Variants in TUBB4A observed in about 807,000 individuals in gnomAD.
The protein encoded by TUBB4A is tubulin beta 4A class IVa.
A neutral mutation model predicts 35.1 loss-of-function variants in TUBB4A; 13 were observed. The observed-to-expected ratio is 0.37, with a 90% CI of 0.24 to 0.59. TUBB4A has a LOEUF of 0.59. Among genes scored for constraint, TUBB4A ranks in the 20% least tolerant of loss-of-function variants. The pLI is 0.71. For synonymous variants in TUBB4A, 279 were observed against 272.4 expected (o/e 1.02, Z -0.24); for missense variants, 299 against 647.2 (o/e 0.46, Z 5.84).
intron 3 of TUBB4A, among the ~76,000 whole-genome samples, chr19:6,498,575 C>T (rs2145253921): frequency 6.6e-6 from 1 of 152,380 alleles, no homozygotes; most frequent in East Asian, 1.9e-4. Flanking sequence ...GCAGCTGTTA[C>T]TCCAGCTTTC....
Position 6,502,273 on chromosome 19 carries a change from G to T in TUBB4A, c.-61C>A. On this transcript the variant is annotated 5_prime_UTR_variant, in exon 1 of 4. Transcript: ENST00000264071. ...CACGAGCGCGGGGAGCTGCGGCGGCGGCGAGGGTGGAAGATGCGGCGGAGA... is the reference window on the plus strand; with the variant it reads ...CACGAGCGCGGGGAGCTGCGGCGGCTGCGAGGGTGGAAGATGCGGCGGAGA... The T allele has an allele frequency of 6.8e-7, 1 of 1,462,970 alleles. No homozygotes were observed. The highest frequency in any genetic ancestry group is 9.0e-7 in the Non-Finnish European group (1 of 1,114,442). The allele number at this position is 1,462,970 out of a possible 1,614,324, so 90.6% of individuals were successfully genotyped here. A position where few individuals can be genotyped will look rare whatever the true frequency, so the allele number is the denominator to read the frequency against.
chr19:6,498,754 G>C (rs1331175511), intron 3 of TUBB4A, among the ~76,000 whole-genome samples: 1 of 152,220 alleles, frequency 6.6e-6, no homozygotes, highest in East Asian at 1.9e-4. Context: ...TCCCGAGCCT[G>C]GTGGTTTAGA....
rs576008094 is a variant in TUBB4A at position 6,496,031 on chromosome 19, G to C, written c.468C>G (p.Arg156=). ...TCATGATGCGGTCTGGGAACTCCTC[G>C]CGGATCTTACTGATGAGCAGCGTGC... ...GMGTLLISKI[R]EEFPDRIMNT... is the part of the protein sequence containing the mutation. Residue 156 remains arginine, a synonymous_variant, in exon 4 of 4, where the codon CGC becomes CGG. Coordinates refer to ENST00000264071, the MANE Select transcript of TUBB4A (RefSeq NM_006087.4). 5.6e-6 allele frequency: 9 copies of C among 1,614,200 alleles called. 1 individual carries two copies. The South Asian group carries it at 9.9e-5, about 18-fold the overall frequency.
chr19:6,502,218 T>G lies in TUBB4A; in HGVS notation c.-6A>C. The G allele has an allele frequency of 6.4e-7, 1 of 1,550,704 alleles. No individual in the cohort carries two copies. The highest frequency in any genetic ancestry group is 8.6e-7 in the Non-Finnish European group (1 of 1,156,962). On this transcript the variant is annotated 5_prime_UTR_variant, in exon 1 of 4. Coordinates refer to ENST00000264071, the MANE Select transcript of TUBB4A (RefSeq NM_006087.4). The stretch of plus-strand genomic sequence containing the variant: ...AGGTGCACGATCTCCCGCATGGCGG[T>G]GGCGCTGAGGGTGGACGCGGCGGCG...
At chr19:6,498,026 A>G (rs1447329817) in intron 3 of TUBB4A, among the ~76,000 whole-genome samples, 2 of 151,776 alleles carry the variant, frequency 1.3e-5, no homozygotes, top group Non-Finnish European at 2.9e-5. Flanking sequence ...CCCGGCTAAC[A>G]CGGTGAAACC....
At chr19:6,500,978 G>A (rs1307007060) in intron 3 of TUBB4A, 2 of 354,520 alleles carry the variant, frequency 5.6e-6, no homozygotes, top group Non-Finnish European at 1.0e-5. Flanking sequence ...AGTGCTCACT[G>A]TTTGTTGAAT....
rs146148489 is a variant in TUBB4A, at chr19:6,495,428, C to T, written c.1071G>A (p.Pro357=). 19 of 1,614,134 alleles carry T rather than the reference C, an allele frequency of 1.2e-5. 1 individual carries two copies. Among genetic ancestry groups the T allele is most frequent in the Middle Eastern group, 1.7e-4 (1 of 5,994 alleles). Residue 357 remains proline, a synonymous_variant, in exon 4 of 4, where the codon CCG becomes CCA. Coordinates refer to ENST00000264071, the MANE Select transcript of TUBB4A (RefSeq NM_006087.4). The surrounding 1 kb of genome is among the most constrained non-coding windows in gnomAD (Gnocchi z 8.7). ...TCGCGGCCATCTTCAGGCCGCGGGG[C>T]GGGATGTCGCACACGGCCGTCTTCA... ...NNVKTAVCDI[P]PRGLKMAATF... is the part of the protein sequence containing the mutation.
At position 6,501,173 on chromosome 19, in the gene TUBB4A, G is replaced by C. The variant is rs79566043; in HGVS notation, c.277+114C>G. On this transcript the variant is annotated intron_variant, in intron 3 of 3. Coordinates refer to ENST00000264071, the MANE Select transcript of TUBB4A (RefSeq NM_006087.4). The surrounding 1 kb of genome is among the most constrained non-coding windows in gnomAD (Gnocchi z 4.2). ...GCCCTGGATGCAGGGCTGGTGCCTGGTGCCCTGTCCACCCCATCTCTGGTC... is the reference window on the plus strand; with the variant it reads ...GCCCTGGATGCAGGGCTGGTGCCTGCTGCCCTGTCCACCCCATCTCTGGTC... The C allele has an allele frequency of 0.014, 11,576 of 801,600 alleles. 122 individuals are homozygous for C. Among genetic ancestry groups the C allele is most frequent in the Middle Eastern group, 0.037 (99 of 2,708 alleles). The allele number at this position is 801,600 out of a possible 1,614,324, so 49.7% of individuals were successfully genotyped here.
rs1914540116 is a variant in TUBB4A, at chr19:6,501,678, G to A, written c.58-55C>T. 5 of 1,497,156 alleles carry A rather than the reference G, an allele frequency of 3.3e-6. No homozygotes were observed. The highest frequency in any genetic ancestry group is 3.7e-6 in the Non-Finnish European group (4 of 1,084,422). 92.7% of individuals were successfully genotyped at this position (1,497,156 alleles called of 1,614,324 possible). On this transcript the variant is annotated intron_variant, in intron 1 of 3. Coordinates refer to ENST00000264071, the MANE Select transcript of TUBB4A (RefSeq NM_006087.4). The surrounding 1 kb of genome is among the most constrained non-coding windows in gnomAD (Gnocchi z 4.2). ...GAGAGGGGAAGCCGGTGGCCAAGCC[G>A]AGGACTGCCCCCAGCCCCCAACTAG... is the stretch of plus-strand genomic sequence containing the variant.
chr19:6,498,424 CAAGT>C (rs752741967), intron 3 of TUBB4A, among the ~76,000 whole-genome samples: 115 of 152,096 alleles, frequency 7.6e-4, no homozygotes, highest in Non-Finnish European at 1.4e-3. Context: ...CACCTGAGAG[CAAGT>C]AAGTCAGGTC....
chr19:6,498,322 C>A (rs1914364530), intron 3 of TUBB4A, among the ~76,000 whole-genome samples: 1 of 152,192 alleles, frequency 6.6e-6, no homozygotes, highest in Admixed American at 6.5e-5. Context: ...TCCAGCATCA[C>A]CCTCCTGGAT....
rs561078184 is a variant in TUBB4A at position 6,501,797 on chromosome 19, G to A, written c.58-174C>T. On this transcript the variant is annotated intron_variant, in intron 1 of 3. Transcript: ENST00000264071. The surrounding 1 kb of genome is among the most constrained non-coding windows in gnomAD (Gnocchi z 4.2). The stretch of plus-strand genomic sequence containing the variant: ...ATGAGGCAGCAAGAAGGAGCGGTGG[G>A]GGCGGGGTGCAGCCGAGTCAGCACC... The A allele has an allele frequency of 1.1e-3, 664 of 622,576 alleles. 5 individuals are homozygous for A. In the African/African-American group the frequency reaches 0.011, roughly 10 times the overall value. The allele number at this position is 622,576 out of a possible 1,614,324, so 38.6% of individuals were successfully genotyped here. A position where few individuals can be genotyped will look rare whatever the true frequency, so the allele number is the denominator to read the frequency against.
upstream of TUBB4A, chr19:6,502,435 T>C (rs1430299838): frequency 1.9e-6 from 1 of 514,130 alleles, no homozygotes; most frequent in African/African-American, 2.1e-5. Context: ...GGGGAGGTGG[T>C]GCAGGGACCT....
Position 6,501,849 on chromosome 19 carries a change from C to G in TUBB4A, c.58-226G>C. ...AGCGGGGCCGGCTGGTGCCAGCGCA[C>G]CCAGGCTGCAGCCCGGGGGAGGCAC... On this transcript the variant is annotated intron_variant, in intron 1 of 3. Coordinates refer to ENST00000264071, the MANE Select transcript of TUBB4A (RefSeq NM_006087.4). This position sits in a 1 kb window ranked among gnomAD's most constrained non-coding sequence, Gnocchi z 4.2. 1 of 590,536 alleles carries G rather than the reference C, an allele frequency of 1.7e-6. No homozygotes were observed. The highest frequency in any genetic ancestry group is 3.0e-6 in the Non-Finnish European group (1 of 334,738). 36.6% of individuals were successfully genotyped at this position (590,536 alleles called of 1,614,324 possible).
intron 3 of TUBB4A, among the ~76,000 whole-genome samples, chr19:6,497,914 A>C (rs1330294810): frequency 7.2e-6 from 1 of 138,452 alleles, no homozygotes; most frequent in African/African-American, 2.7e-5. Context: ...AAAAAAAAAA[A>C]AAAAAGAAGA....
In TUBB4A at chr19:6,495,145, G is replaced by T; in HGVS notation, c.*19C>A. 3 of 1,612,392 alleles carry T rather than the reference G, an allele frequency of 1.9e-6. No homozygotes were observed. The highest frequency in any genetic ancestry group is 2.5e-6 in the Non-Finnish European group (3 of 1,178,846). On this transcript the variant is annotated 3_prime_UTR_variant, in exon 4 of 4. Coordinates refer to ENST00000264071, the MANE Select transcript of TUBB4A (RefSeq NM_006087.4). This position sits in a 1 kb window ranked among gnomAD's most constrained non-coding sequence, Gnocchi z 8.7. ...GGTCAGAAGCCTCGAGGGGACAGGTGGGAAGCGATGGGAGCAGCCTAGGCC... is the reference window on the plus strand; with the variant it reads ...GGTCAGAAGCCTCGAGGGGACAGGTTGGAAGCGATGGGAGCAGCCTAGGCC...
At chr19:6,500,412 G>T (rs896499498) in intron 3 of TUBB4A, among the ~76,000 whole-genome samples, 1 of 152,170 alleles carries the variant, frequency 6.6e-6, no homozygotes, top group East Asian at 1.9e-4. Context: ...GGGTTTATAG[G>T]CATGAACCAC....
At chr19:6,499,901 C>T (rs1323866590) in intron 3 of TUBB4A, among the ~76,000 whole-genome samples, 1 of 151,814 alleles carries the variant, frequency 6.6e-6, no homozygotes, top group Non-Finnish European at 1.5e-5. Context: ...AAGCAATTCT[C>T]TTGCCTCAGC....
rs752860885 is a variant in TUBB4A, at chr19:6,501,537, G to A, written c.144C>T (p.Asn48=). The part of the protein sequence containing the change: ...GDSDLQLERI[N]VYYNEATGGN... ...TACCTGTGGCCTCGTTGTAGTACACGTTGATCCTCTCCAGTTGCAGGTCAC... is the reference window on the plus strand; with the variant it reads ...TACCTGTGGCCTCGTTGTAGTACACATTGATCCTCTCCAGTTGCAGGTCAC... The change falls in exon 2 of 4, where the codon AAC becomes AAT. Residue 48 remains asparagine, a synonymous_variant. Coordinates refer to ENST00000264071, the MANE Select transcript of TUBB4A (RefSeq NM_006087.4). This position sits in a 1 kb window ranked among gnomAD's most constrained non-coding sequence, Gnocchi z 4.2. 20 of 1,613,976 alleles carry A rather than the reference G, an allele frequency of 1.2e-5. No homozygotes were observed. The highest frequency in any genetic ancestry group is 3.3e-5 in the Admixed American group (2 of 59,982).
Sources: allele counts gnomAD v4.1 joint callset (sites outside exome capture counted in the v4.1 genomes callset), GRCh38; gene constraint gnomAD v4.1.1; non-coding constraint Gnocchi (gnomAD v3.1); transcripts MANE v1.5; gene names NCBI Gene and HGNC (gene_info 2026-07-23, HGNC 2026-07-21).